Variants in C1orf116 observed in about 807,000 individuals in gnomAD.
C1orf116 encodes specifically androgen-regulated gene protein.
C1orf116 carries 12 observed loss-of-function variants against 14.1 expected under a neutral mutation model. That is an observed-to-expected ratio of 0.85 (90% CI 0.54 to 1.38). The LOEUF (loss-of-function observed/expected upper bound fraction) is 1.38. C1orf116 is among the 40% of genes most tolerant of loss of function. C1orf116 has a pLI of 0.00. For missense variants in C1orf116, 797 were observed against 747.0 expected, an observed-to-expected ratio of 1.07 and a Z score of -0.78; for synonymous variants, 296 against 299.0, an observed-to-expected ratio of 0.99 and a Z score of 0.10.
rs142223424 is a variant in C1orf116 at position 207,029,229 on chromosome 1, T to C, written c.-81-1550A>G. On this transcript the variant is annotated intron_variant, in intron 1 of 3. Coordinates refer to ENST00000359470, the MANE Select transcript of C1orf116 (RefSeq NM_023938.6). ...GGGGGAAAACAGGAGAGATCCCTAG[T>C]GAGCCAGACATCTGGTTCATAGGGG... 1.7e-3 allele frequency among the ~76,000 whole-genome samples: 253 copies of C among 152,054 alleles called. 1 individual carries two copies. Among genetic ancestry groups the C allele is most frequent in the Non-Finnish European group, 3.3e-3 (221 of 67,982 alleles).
At chr1:207,026,420 C>T (rs1041031225) in intron 2 of C1orf116, among the ~76,000 whole-genome samples, 1 of 152,214 alleles carries the variant, frequency 6.6e-6, no homozygotes, top group African/African-American at 2.4e-5. Context: ...ACCTTTAATC[C>T]CTGTCACATT....
chr1:207,023,480 C>T lies in C1orf116; in HGVS notation c.284G>A (p.Gly95Glu), dbSNP rs1681957518. Residue 95 changes from glycine to glutamate, a missense_variant and splice_region_variant, in exon 4 of 4, where the codon GGA becomes GAA. By Grantham distance (98) the Gly-to-Glu change is moderately conservative (BLOSUM62 -2). Coordinates refer to ENST00000359470, the MANE Select transcript of C1orf116 (RefSeq NM_023938.6). ...CTGAGTGATGGTCTCCTCTGGACCT[C>T]CTGTGAGGGTCAGAAAGAACATAAA... Reference protein sequence around the residue: ...ALPITQPTPRGGPEETITQQG... With the variant: ...ALPITQPTPREGPEETITQQG... 3 of 1,597,644 alleles carry T rather than the reference C, an allele frequency of 1.9e-6. No homozygotes were observed. The highest frequency in any genetic ancestry group is 1.3e-5 in the African/African-American group (1 of 74,240).
chr1:207,026,881 C>T (rs1417484035), intron 2 of C1orf116, among the ~76,000 whole-genome samples: 2 of 152,218 alleles, frequency 1.3e-5, no homozygotes, highest in Non-Finnish European at 1.5e-5. Context: ...GTCTCTGCTC[C>T]TAGAAAGGCT....
chr1:207,032,601 GA>G lies in C1orf116; in HGVS notation c.-105del. The G allele has an allele frequency of 1.0e-6, 1 of 985,482 alleles. No homozygotes were observed. Among genetic ancestry groups the G allele is most frequent in the Non-Finnish European group, 1.2e-6 (1 of 829,960 alleles). 61.0% of individuals were successfully genotyped at this position (985,482 alleles called of 1,614,324 possible). On this transcript the variant is annotated 5_prime_UTR_variant, in exon 1 of 4. Coordinates refer to ENST00000359470, the MANE Select transcript of C1orf116 (RefSeq NM_023938.6). ...CACCTCCACTGGGTTGGGGGCTGAA[GA>G]GAGAAAAGAAATACCCTTTTGTTTC... is the stretch of plus-strand genomic sequence containing the variant.
rs751098080 is a variant in C1orf116, at chr1:207,022,352, G to T, written c.1412C>A (p.Thr471Asn). 2.4e-5 allele frequency: 38 copies of T among 1,613,944 alleles called. No individual in the cohort carries two copies. The highest frequency in any genetic ancestry group is 3.1e-5 in the Non-Finnish European group (36 of 1,179,984). ...GAAGTTCATCTGTCTCAGGCCAGGG[G>T]TGTTGCTCTCCTGGAGAGTCAGCCC... ...ESGLTLQESN[T>N]PGLRQMNFKS... The change falls in exon 4 of 4, where the codon ACC (threonine) becomes AAC (asparagine). Residue 471 changes from threonine to asparagine, a missense_variant. Thr to Asn is a moderately conservative substitution (Grantham distance 65, BLOSUM62 0). Coordinates refer to ENST00000359470, the MANE Select transcript of C1orf116 (RefSeq NM_023938.6).
intron 1 of C1orf116, 37 bp from the exon 2 acceptor site, chr1:207,027,716 G>A: frequency 6.7e-7 from 1 of 1,486,984 alleles, no homozygotes; most frequent in East Asian, 2.5e-5. Context: ...CATGAGCCGA[G>A]GCTTCGGCAA....
In C1orf116 at chr1:207,022,992, T is replaced by C. The variant is rs12062114; in HGVS notation, c.772A>G (p.Arg258Gly). Residue 258 changes from arginine (R) to glycine (G), a missense_variant, in exon 4 of 4, where the codon AGG (arginine) becomes GGG (glycine). Transcript: ENST00000359470. ...SQKAKETVST[R>G]YTQPQPPPAG... Reference sequence around the variant, plus strand: ...GGAGGAGGCTGGGGTTGTGTGTACCTGGTTGAGACTGTTTCCTTGGCTTTT... The same window carrying C: ...GGAGGAGGCTGGGGTTGTGTGTACCCGGTTGAGACTGTTTCCTTGGCTTTT... 0.018 allele frequency: 29,707 copies of C among 1,613,988 alleles called. 4,188 individuals are homozygous for C. In the African/African-American group the frequency reaches 0.33, roughly 18 times the overall value.
chr1:207,031,501 T>C (rs891876860), intron 1 of C1orf116, among the ~76,000 whole-genome samples: 2 of 152,186 alleles, frequency 1.3e-5, no homozygotes, highest in African/African-American at 4.8e-5. Context: ...CACTCAGGGC[T>C]GCGTGTGCCA....
Position 207,021,759 on chromosome 1 carries a change from CA to C in C1orf116, c.*198del. Reference sequence around the variant, plus strand: ...CACACACACCAAACACACACACACACACCCTCTTGTGGAGATCACCTTCAGA... The same window carrying C: ...CACACACACCAAACACACACACACACCCCTCTTGTGGAGATCACCTTCAGA... On this transcript the variant is annotated 3_prime_UTR_variant, in exon 4 of 4. Transcript: ENST00000359470. 1 of 486,280 alleles carries C rather than the reference CA, an allele frequency of 2.1e-6. No individual in the cohort carries two copies. The highest frequency in any genetic ancestry group is 3.5e-6 in the Non-Finnish European group (1 of 289,614). 30.1% of individuals were successfully genotyped at this position (486,280 alleles called of 1,614,324 possible).
chr1:207,030,321 A>G (rs1031408333), intron 1 of C1orf116, among the ~76,000 whole-genome samples: 4 of 152,176 alleles, frequency 2.6e-5, no homozygotes, highest in Non-Finnish European at 5.9e-5. Flanking sequence ...TTCAGGGACT[A>G]TCTGGATGCA....
At chr1:207,029,818 T>G (rs1332538389) in intron 1 of C1orf116, among the ~76,000 whole-genome samples, 1 of 152,198 alleles carries the variant, frequency 6.6e-6, no homozygotes, top group African/African-American at 2.4e-5. Flanking sequence ...TCAATGTAGA[T>G]CTAAGGGTCT....
At chr1:207,027,465 C>A in intron 2 of C1orf116, 29 bp downstream of exon 2, 1 of 1,613,114 alleles carries the variant, frequency 6.2e-7, no homozygotes, top group Non-Finnish European at 8.5e-7. Context: ...GAGAGCAGAC[C>A]AGGTTGCGGG....
At chr1:207,031,271 CA>C (rs1220991693) in intron 1 of C1orf116, among the ~76,000 whole-genome samples, 1 of 152,240 alleles carries the variant, frequency 6.6e-6, no homozygotes, top group Admixed American at 6.5e-5. Flanking sequence ...TGTGTTTAGG[CA>C]ACATTATCAT....
In C1orf116 at chr1:207,022,603, A is replaced by G. The variant is rs1464321184; in HGVS notation, c.1161T>C (p.Ala387=). The G allele has an allele frequency of 6.2e-7, 1 of 1,614,124 alleles. No individual in the cohort carries two copies. Among genetic ancestry groups the G allele is most frequent in the Non-Finnish European group, 8.5e-7 (1 of 1,180,030 alleles). ...GAGCTGCAGGCTGAGCCAGACCTGG[A>G]GCTGGGGACAGATGCTGGGCCCGTG... ...KETRAQHLSP[A]PGLAQPAAPA... The change falls in exon 4 of 4, where the codon GCT becomes GCC. Residue 387 remains alanine (A), a synonymous_variant. Transcript: ENST00000359470.
chr1:207,028,612 C>T (rs1479091274), intron 1 of C1orf116, among the ~76,000 whole-genome samples: 3 of 152,278 alleles, frequency 2.0e-5, no homozygotes, highest in East Asian at 3.9e-4. Flanking sequence ...AGAGAAATGT[C>T]CCATGTAGCT....
At chr1:207,024,813 G>T (rs1682020401) in intron 3 of C1orf116, 74 bp downstream of exon 3, 2 of 1,543,152 alleles carry the variant, frequency 1.3e-6, no homozygotes, top group Non-Finnish European at 1.8e-6. Flanking sequence ...GGCAGGCGAG[G>T]TAGAAAGTGG....
intron 1 of C1orf116, among the ~76,000 whole-genome samples, chr1:207,031,094 T>C (rs914479687): frequency 6.6e-6 from 1 of 152,220 alleles, no homozygotes; most frequent in Non-Finnish European, 1.5e-5. Flanking sequence ...CCTCTCTGCC[T>C]ACTAGTCAAA....
rs1159479796 is a variant in C1orf116 at position 207,022,416 on chromosome 1, T to C, written c.1348A>G (p.Arg450Gly). 6.2e-7 allele frequency: 1 copy of C among 1,614,212 alleles called. No homozygotes were observed. Among genetic ancestry groups the C allele is most frequent in the Non-Finnish European group, 8.5e-7 (1 of 1,180,014 alleles). ...SMPISIPKAP[R>G]ANSALTPPKP... ...GGTGGAGTCAGGGCACTGTTTGCCCTTGGGGCCTTAGGGATAGAAATTGGC... is the reference window on the plus strand; with the variant it reads ...GGTGGAGTCAGGGCACTGTTTGCCCCTGGGGCCTTAGGGATAGAAATTGGC... The change falls in exon 4 of 4, where the codon AGG (arginine) becomes GGG (glycine). Residue 450 changes from arginine to glycine, a missense_variant. Arg to Gly is a moderately radical substitution (Grantham distance 125, BLOSUM62 -2). Coordinates refer to ENST00000359470, the MANE Select transcript of C1orf116 (RefSeq NM_023938.6).
chr1:207,030,225 A>G (rs542506567), intron 1 of C1orf116, among the ~76,000 whole-genome samples: 1 of 152,208 alleles, frequency 6.6e-6, no homozygotes. Flanking sequence ...CGGGTGAGAA[A>G]GTTATGGCTC....
Sources: gnomAD v4.1 joint callset for allele counts (sites outside exome capture counted in the v4.1 genomes callset) on GRCh38, gnomAD v4.1.1 for gene constraint, MANE v1.5 for transcripts, NCBI Gene and HGNC (gene_info 2026-07-23, HGNC 2026-07-21) for gene names.